The following SPG11 variants were observed in gnomAD, a reference collection of about 807,000 sequenced individuals.
SPG11 encodes the protein spatacsin.
A neutral mutation model predicts 274.0 loss-of-function variants in SPG11; 222 were observed. That is an observed-to-expected ratio of 0.81 (90% confidence interval 0.73 to 0.91). The LOEUF (loss-of-function observed/expected upper bound fraction) is 0.91, where lower values mean the gene tolerates loss of function less well. Ranked by LOEUF, SPG11 falls within the 40% of genes least tolerant of loss-of-function variation. SPG11 has a pLI of 0.00. For missense variants in SPG11, 3,114 were observed against 2,872.7 expected (o/e 1.08, Z -1.92); for synonymous variants, 1,144 against 1,039.7 (o/e 1.10, Z -1.93).
intron 13 of SPG11, 42 bp downstream of exon 13, chr15:44,622,178 A>G: frequency 1.3e-6 from 2 of 1,586,370 alleles, no homozygotes; most frequent in Non-Finnish European, 1.7e-6. Context: ...AATACTATCT[A>G]ACGGTATTCT....
chr15:44,644,751 A>C (rs1033860473), intron 7 of SPG11, among the ~76,000 whole-genome samples: 1 of 152,224 alleles, frequency 6.6e-6, no homozygotes, highest in African/African-American at 2.4e-5. Flanking sequence ...TCAATGTAAA[A>C]AAAAAGTCAG....
At chr15:44,659,540 C>A (rs375293040) in intron 2 of SPG11, among the ~76,000 whole-genome samples, 5 of 152,050 alleles carry the variant, frequency 3.3e-5, no homozygotes, top group East Asian at 1.9e-4. Flanking sequence ...TGACAGCACA[C>A]TAGAAGGAGT....
intron 7 of SPG11, among the ~76,000 whole-genome samples, chr15:44,647,137 C>T (rs759064304): frequency 1.4e-4 from 22 of 152,076 alleles, no homozygotes; most frequent in Admixed American, 2.6e-4. Context: ...TCTCCAAAGA[C>T]GACACACAAA....
At chr15:44,607,422 T>C (rs544993989) in intron 19 of SPG11, among the ~76,000 whole-genome samples, 1 of 152,222 alleles carries the variant, frequency 6.6e-6, no homozygotes, top group African/African-American at 2.4e-5. Flanking sequence ...GCTGGGACTA[T>C]AGGCACGTGC....
At chr15:44,640,063 A>G (rs1339162109) in intron 7 of SPG11, among the ~76,000 whole-genome samples, 1 of 152,096 alleles carries the variant, frequency 6.6e-6, no homozygotes, top group African/African-American at 2.4e-5. Context: ...ACAAAAAATT[A>G]GCCAGGCGTA....
chr15:44,581,480 T>G (rs2082657776), intron 30 of SPG11, among the ~76,000 whole-genome samples: 1 of 152,046 alleles, frequency 6.6e-6, no homozygotes, highest in East Asian at 1.9e-4. Flanking sequence ...GTGCTGGAAT[T>G]ACAGGTGTGA....
At chr15:44,578,004 G>A (rs550920457) in intron 30 of SPG11, among the ~76,000 whole-genome samples, 3 of 151,610 alleles carry the variant, frequency 2.0e-5, no homozygotes, top group Admixed American at 2.0e-4. Flanking sequence ...CTCTCAGAAA[G>A]GGGAGCCTTC....
intron 7 of SPG11, among the ~76,000 whole-genome samples, chr15:44,642,318 T>C (rs1375843376): frequency 2.3e-5 from 3 of 130,098 alleles, no homozygotes; most frequent in Non-Finnish European, 4.6e-5. Context: ...TAAGCTGAGA[T>C]AGCTCCACTG....
intron 24 of SPG11, 112 bp downstream of exon 24, chr15:44,596,660 CAAAAAAAAAAAA>C (rs5812279): frequency 2.4e-4 from 64 of 271,396 alleles, no homozygotes; most frequent in Middle Eastern, 1.4e-3. Context: ...GTATCCTGGT[CAAAAAAAAAAAA>C]AAAAAAAAAA....
At chr15:44,635,150 A>C (rs1595906534) in intron 7 of SPG11, among the ~76,000 whole-genome samples, 1 of 152,132 alleles carries the variant, frequency 6.6e-6, no homozygotes, top group South Asian at 2.1e-4. Flanking sequence ...CGGGAGGTGG[A>C]GGTTGTGGTG....
chr15:44,585,983 GTTTTTTT>G (rs71111868), intron 28 of SPG11, 133 bp from the exon 29 acceptor site: 3 of 337,766 alleles, frequency 8.9e-6, no homozygotes, highest in Non-Finnish European at 1.1e-5. Flanking sequence ...ATAAAAAGCT[GTTTTTTT>G]TTTTTTTTTT....
chr15:44,636,955 AAAC>A lies in SPG11; in HGVS notation c.1603-3321_1603-3319del, dbSNP rs1321459909. ...AAAAAAAAAAAAAAAAAAAAAAAAA[AAAC>A]AAAAAAAAAACACAAATGTGGTAAA... On this transcript the variant is annotated intron_variant, in intron 7 of 39. Coordinates refer to ENST00000261866, the MANE Select transcript of SPG11 (RefSeq NM_025137.4). 1.4e-3 allele frequency among the ~76,000 whole-genome samples: 183 copies of A among 126,632 alleles called. 11 individuals are homozygous for A. Among genetic ancestry groups the A allele is most frequent in the African/African-American group, 3.2e-3 (91 of 28,568 alleles). 83.1% of individuals were successfully genotyped at this position (126,632 alleles called of 152,430 possible).
chr15:44,587,718 A>AAAAAAAAAAC (rs1567141736), intron 28 of SPG11, among the ~76,000 whole-genome samples: 1 of 148,636 alleles, frequency 6.7e-6, no homozygotes, highest in African/African-American at 2.6e-5. Flanking sequence ...AAAAAAAAAA[A>AAAAAAAAAAC]AACGTATTCC....
At position 44,570,652 on chromosome 15, in the gene SPG11, T is replaced by A; in HGVS notation, c.6350A>T (p.Glu2117Val). 6.2e-7 allele frequency: 1 copy of A among 1,613,954 alleles called. No individual in the cohort carries two copies. The highest frequency in any genetic ancestry group is 2.2e-5 in the East Asian group (1 of 44,868). ...VPHGELSCTT[E>V]LLILAHHCFT... ...GCAATGATGGGCCAGGATCAGGAGC[T>A]CTGTGGCTGGGAGGGTGGGCACTGG... The change falls in exon 34 of 40, where the codon GAG (glutamate) becomes GTG (valine). Residue 2117 changes from glutamate to valine, a missense_variant. Physicochemically the swap from Glu to Val is moderately radical, Grantham distance 121. Coordinates refer to ENST00000261866, the MANE Select transcript of SPG11 (RefSeq NM_025137.4).
intron 34 of SPG11, among the ~76,000 whole-genome samples, chr15:44,570,031 C>T (rs1212481024): frequency 6.6e-6 from 1 of 152,130 alleles, no homozygotes; most frequent in Non-Finnish European, 1.5e-5. Context: ...ATGTGACTCT[C>T]AAGTGCTAAA....
intron 7 of SPG11, among the ~76,000 whole-genome samples, chr15:44,643,415 A>G (rs1240289544): frequency 6.6e-6 from 1 of 152,210 alleles, no homozygotes; most frequent in African/African-American, 2.4e-5. Flanking sequence ...TCTTACAATG[A>G]TATTTTAGAG....
intron 35 of SPG11, among the ~76,000 whole-genome samples, chr15:44,568,690 C>T (rs1419483621): frequency 6.6e-6 from 1 of 152,040 alleles, no homozygotes; most frequent in East Asian, 1.9e-4. Flanking sequence ...CCCAACCTGG[C>T]TCTTAGCAGC....
chr15:44,591,566 TAATAGG>T (rs1464442035), intron 27 of SPG11, among the ~76,000 whole-genome samples: 1 of 152,028 alleles, frequency 6.6e-6, no homozygotes, highest in Admixed American at 6.6e-5. Context: ...CCATAGGGAG[TAATAGG>T]CTAAGGAAAT....
intron 3 of SPG11, 117 bp from the exon 4 acceptor site, chr15:44,657,413 A>C: frequency 6.5e-6 from 6 of 928,510 alleles, no homozygotes; most frequent in Middle Eastern, 6.3e-4. Flanking sequence ...ATAACAGAAG[A>C]AGACTGAAAA....
Sources: allele counts gnomAD v4.1 joint callset (sites outside exome capture counted in the v4.1 genomes callset), GRCh38; gene constraint gnomAD v4.1.1; transcripts MANE v1.5; gene names NCBI Gene and HGNC (gene_info 2026-07-23, HGNC 2026-07-21).